MORC1: variants seen among roughly 807,000 people sequenced by gnomAD.
MORC1 encodes MORC family CW-type zinc finger 1.
In MORC1, 59 loss-of-function variants were observed where a neutral mutation model predicts 134.9. The observed-to-expected ratio is 0.44, with a 90% confidence interval of 0.35 to 0.54. The LOEUF is 0.54. Ranked by LOEUF, MORC1 falls within the 20% of genes least tolerant of loss-of-function variation. MORC1 has a pLI of 0.00. For synonymous variants in MORC1, 395 were observed against 391.7 expected (o/e 1.01, Z -0.10); for missense variants, 947 against 1,134.5 (o/e 0.83, Z 2.37).
At chr3:109,061,463 A>C (rs16855331) in intron 11 of MORC1, among the ~76,000 whole-genome samples, 23,800 of 152,178 alleles carry the variant, frequency 0.16, 2,072 homozygotes, top group African/African-American at 0.22. Context: ...CTGTGTGGAG[A>C]AACTCATAAT....
intron 16 of MORC1, among the ~76,000 whole-genome samples, chr3:109,031,112 T>C (rs1287362047): frequency 6.6e-6 from 1 of 152,162 alleles, no homozygotes; most frequent in Non-Finnish European, 1.5e-5. Context: ...CAACAGTAAG[T>C]TGAAGGTAAG....
intron 14 of MORC1, 147 bp from the exon 15 acceptor site, chr3:109,035,615 T>G (rs1949362556): frequency 2.0e-6 from 1 of 496,798 alleles, no homozygotes; most frequent in Admixed American, 4.1e-5. Context: ...AATATCAATA[T>G]TGGTTGTCTC....
chr3:108,965,772 T>C (rs1947203705), intron 26 of MORC1, among the ~76,000 whole-genome samples: 1 of 152,136 alleles, frequency 6.6e-6, no homozygotes, highest in African/African-American at 2.4e-5. Context: ...TGTACTATTT[T>C]TGCAACTTCC....
intron 14 of MORC1, chr3:109,049,191 G>A (rs965433229): frequency 8.3e-5 from 82 of 982,256 alleles, no homozygotes; most frequent in Non-Finnish European, 9.4e-5. Flanking sequence ...TGAGATCTTA[G>A]AGACTAAATT....
At chr3:109,064,184 ATATT>A (rs1226999196) in intron 9 of MORC1, among the ~76,000 whole-genome samples, 1 of 152,182 alleles carries the variant, frequency 6.6e-6, no homozygotes, top group African/African-American at 2.4e-5. Flanking sequence ...ATCTGGAAAG[ATATT>A]TATTAAACTT....
At chr3:109,025,361 G>A (rs2107591453) in intron 17 of MORC1, among the ~76,000 whole-genome samples, 1 of 140,948 alleles carries the variant, frequency 7.1e-6, no homozygotes, top group East Asian at 2.1e-4. Flanking sequence ...AACTTTCTTT[G>A]GTTTCTTTTT....
chr3:109,005,140 T>C lies in MORC1; in HGVS notation c.1943A>G (p.Lys648Arg). 1.9e-6 allele frequency: 3 copies of C among 1,613,960 alleles called. No individual in the cohort carries two copies. The highest frequency in any genetic ancestry group is 2.5e-6 in the Non-Finnish European group (3 of 1,179,948). ...AATTCTCTGCTGTTGAGAGTTCATTTTCTCCTCCATAGACTTTTTCATAAT... is the reference window on the plus strand; with the variant it reads ...AATTCTCTGCTGTTGAGAGTTCATTCTCTCCTCCATAGACTTTTTCATAAT... ...TKIMKKSMEE[K>R]MNSQQQRIPV... is the part of the protein sequence containing the mutation. The change falls in exon 19 of 28, where the codon AAA becomes AGA. Residue 648 changes from lysine to arginine, a missense_variant. Coordinates refer to ENST00000232603, the MANE Select transcript of MORC1 (RefSeq NM_014429.4).
chr3:109,077,391 C>T (rs1165090655), intron 8 of MORC1, among the ~76,000 whole-genome samples: 4 of 151,866 alleles, frequency 2.6e-5, no homozygotes, highest in Non-Finnish European at 4.4e-5. Flanking sequence ...TAATTAAAAT[C>T]CTACAAAAAA....
chr3:109,028,946 CA>C (rs1384227026), intron 16 of MORC1, among the ~76,000 whole-genome samples: 1 of 151,826 alleles, frequency 6.6e-6, no homozygotes, highest in African/African-American at 2.4e-5. Flanking sequence ...ACTGAGCTAC[CA>C]AAAAGAGGAG....
rs987322517 is a variant in MORC1, at chr3:109,090,339, C to T, written c.689+3097G>A. 1.7e-4 allele frequency among the ~76,000 whole-genome samples: 26 copies of T among 152,050 alleles called. 1 individual carries two copies. The highest frequency in any genetic ancestry group is 5.1e-4 in the African/African-American group (21 of 41,436). On this transcript the variant is annotated intron_variant, in intron 8 of 27. Transcript: ENST00000232603. Reference sequence around the variant, plus strand: ...CTATGTTTAAAACTGTTGTCAAAGCCGGGCGCAGTGACTCACACCTGTAAT... The same window carrying T: ...CTATGTTTAAAACTGTTGTCAAAGCTGGGCGCAGTGACTCACACCTGTAAT...
At chr3:109,001,258 G>A (rs78634029) in intron 20 of MORC1, among the ~76,000 whole-genome samples, 6,437 of 152,082 alleles carry the variant, frequency 0.042, 247 homozygotes, top group African/African-American at 0.11. Context: ...TCAGTCTCTA[G>A]AACAGCTGAG....
At chr3:109,009,809 T>C (rs1452452429) in intron 17 of MORC1, among the ~76,000 whole-genome samples, 1 of 152,156 alleles carries the variant, frequency 6.6e-6, no homozygotes, top group Non-Finnish European at 1.5e-5. Context: ...TTGTGGAGCA[T>C]ACCATTTCAA....
intron 17 of MORC1, among the ~76,000 whole-genome samples, chr3:109,015,122 G>A (rs1948786582): frequency 6.6e-6 from 1 of 152,120 alleles, no homozygotes; most frequent in African/African-American, 2.4e-5. Flanking sequence ...GACCTCAAGT[G>A]ATCCGCCCTC....
At chr3:109,032,969 T>C in intron 15 of MORC1, 144 bp from the exon 16 acceptor site, 1 of 641,980 alleles carries the variant, frequency 1.6e-6, no homozygotes. Flanking sequence ...TTATTCTTGA[T>C]GACACATCTA....
At chr3:109,069,831 AGACT>A in intron 8 of MORC1, 74 bp from the exon 9 acceptor site, 1 of 1,462,232 alleles carries the variant, frequency 6.8e-7, no homozygotes, top group Non-Finnish European at 9.2e-7. Flanking sequence ...AAATAACATC[AGACT>A]ATCAGGTTAT....
chr3:109,111,857 A>G (rs988042831), intron 2 of MORC1, among the ~76,000 whole-genome samples: 2 of 152,150 alleles, frequency 1.3e-5, no homozygotes, highest in Admixed American at 6.5e-5. Context: ...AGTCCCATAT[A>G]GCTCCTTCCT....
intron 6 of MORC1, among the ~76,000 whole-genome samples, chr3:109,098,982 T>A (rs1950877530): frequency 6.6e-6 from 1 of 152,234 alleles, no homozygotes; most frequent in Non-Finnish European, 1.5e-5. Flanking sequence ...CTATTTTGCA[T>A]TAATTTCTTT....
At chr3:109,113,392 A>T (rs1392017373) in intron 2 of MORC1, among the ~76,000 whole-genome samples, 2 of 152,170 alleles carry the variant, frequency 1.3e-5, no homozygotes, top group African/African-American at 4.8e-5. Flanking sequence ...GCAGGGCAGG[A>T]ATTTCTGGAT....
chr3:109,023,615 A>T (rs184009954), intron 17 of MORC1, among the ~76,000 whole-genome samples: 45 of 147,064 alleles, frequency 3.1e-4, no homozygotes, highest in African/African-American at 9.5e-4. Context: ...TTCTGTGTGC[A>T]TGATAATGAC....
Sources: allele counts gnomAD v4.1 joint callset (sites outside exome capture counted in the v4.1 genomes callset), GRCh38; gene constraint gnomAD v4.1.1; transcripts MANE v1.5; gene names NCBI Gene and HGNC (gene_info 2026-07-23, HGNC 2026-07-21).